DLGAP2: variants seen among roughly 807,000 people sequenced by gnomAD.
DLGAP2 encodes the protein disks large-associated protein 2.
DLGAP2 carries 26 observed loss-of-function variants against 100.3 expected under a neutral mutation model. The observed-to-expected ratio is 0.26, with a 90% CI of 0.19 to 0.36. The LOEUF (loss-of-function observed/expected upper bound fraction) is 0.36. Among genes scored for constraint, DLGAP2 ranks in the 10% least tolerant of loss-of-function variants. The pLI, the probability that DLGAP2 is intolerant of heterozygous loss-of-function variation, is 1.00. For synonymous variants in DLGAP2, 886 were observed against 630.1 expected (o/e 1.41, Z -6.08); for missense variants, 1,858 against 1,453.2 (o/e 1.28, Z -4.53).
chr8:1,571,333 G>C (rs1465742310), intron 6 of DLGAP2, among the ~76,000 whole-genome samples: 2 of 130,780 alleles, frequency 1.5e-5, no homozygotes, highest in African/African-American at 5.9e-5. Flanking sequence ...GGGGAGGAGA[G>C]AGGGTGAACT....
chr8:1,197,419 G>A (rs1797775527), intron 2 of DLGAP2, among the ~76,000 whole-genome samples: 1 of 152,194 alleles, frequency 6.6e-6, no homozygotes, highest in African/African-American at 2.4e-5. Context: ...CAAAGGCCCT[G>A]GATAGAAAAT....
At chr8:1,477,810 A>C in intron 3 of DLGAP2, among the ~76,000 whole-genome samples, 1 of 151,492 alleles carries the variant, frequency 6.6e-6, no homozygotes. Flanking sequence ...AAAAAAAAAA[A>C]GGTGCCTAAT....
intron 1 of DLGAP2, among the ~76,000 whole-genome samples, chr8:900,220 G>A (rs1028451024): frequency 4.6e-5 from 7 of 150,626 alleles, no homozygotes; most frequent in African/African-American, 1.2e-4. Context: ...CCGGGCGGAC[G>A]GTGGGCGCCC....
chr8:820,454 A>G (rs999184022), intron 1 of DLGAP2, among the ~76,000 whole-genome samples: 11 of 152,208 alleles, frequency 7.2e-5, no homozygotes, highest in Non-Finnish European at 1.3e-4. Context: ...ATAGATAAGC[A>G]TCCGGCATAT....
intron 2 of DLGAP2, among the ~76,000 whole-genome samples, chr8:1,086,272 C>T (rs145350903): frequency 6.6e-6 from 1 of 152,062 alleles, no homozygotes; most frequent in Admixed American, 6.6e-5. Context: ...GTCCAATTGC[C>T]CAGCATAGGA....
chr8:1,261,083 C>T (rs1004399759), intron 3 of DLGAP2, among the ~76,000 whole-genome samples: 4 of 152,172 alleles, frequency 2.6e-5, no homozygotes, highest in East Asian at 1.9e-4. Flanking sequence ...ATCTTTAAAA[C>T]GAGACAGACC....
intron 6 of DLGAP2, among the ~76,000 whole-genome samples, chr8:1,584,492 G>T (rs1346351977): frequency 2.6e-5 from 4 of 152,320 alleles, no homozygotes; most frequent in East Asian, 3.9e-4. Flanking sequence ...ACCGTGGGCT[G>T]CTGGCTCTTC....
chr8:1,200,143 C>T (rs567192475), intron 2 of DLGAP2, among the ~76,000 whole-genome samples: 6 of 152,226 alleles, frequency 3.9e-5, no homozygotes, highest in African/African-American at 1.2e-4. Flanking sequence ...CTGCACAGGC[C>T]CACAGGAGAG....
chr8:1,102,666 G>A (rs1260369758), intron 2 of DLGAP2, among the ~76,000 whole-genome samples: 1 of 152,210 alleles, frequency 6.6e-6, no homozygotes, highest in Non-Finnish European at 1.5e-5. Flanking sequence ...CGCCTCTGTG[G>A]CAAGGGAGCC....
At chr8:1,693,288 A>C (rs966274527) in intron 13 of DLGAP2, among the ~76,000 whole-genome samples, 1 of 149,438 alleles carries the variant, frequency 6.7e-6, no homozygotes, top group Non-Finnish European at 1.5e-5. Flanking sequence ...ATTTGCCTAC[A>C]CACATGCATA....
intron 3 of DLGAP2, among the ~76,000 whole-genome samples, chr8:1,449,182 C>G (rs928424021): frequency 6.6e-6 from 1 of 152,180 alleles, no homozygotes; most frequent in Non-Finnish European, 1.5e-5. Context: ...TCACGCTGAC[C>G]ACACAGCACA....
At chr8:1,205,482 C>G (rs1201579315) in intron 2 of DLGAP2, among the ~76,000 whole-genome samples, 1 of 152,162 alleles carries the variant, frequency 6.6e-6, no homozygotes, top group African/African-American at 2.4e-5. Flanking sequence ...GGGAGAGAGT[C>G]CAGGCAATTG....
chr8:1,355,507 GGT>G (rs1294891017), intron 3 of DLGAP2, among the ~76,000 whole-genome samples: 5 of 151,888 alleles, frequency 3.3e-5, no homozygotes, highest in African/African-American at 9.7e-5. Context: ...TGGGATTACA[GGT>G]GTGTGCCACC....
intron 3 of DLGAP2, among the ~76,000 whole-genome samples, chr8:1,276,638 C>T (rs779179132): frequency 6.7e-6 from 1 of 150,332 alleles, no homozygotes; most frequent in African/African-American, 2.4e-5. Context: ...GGTGCTTTGA[C>T]TTCCCAGCAC....
At chr8:903,302 G>A (rs970239838) in intron 1 of DLGAP2, among the ~76,000 whole-genome samples, 1 of 152,070 alleles carries the variant, frequency 6.6e-6, no homozygotes, top group African/African-American at 2.4e-5. Context: ...GCGAGTTGTA[G>A]GCGTCCTGCC....
intron 3 of DLGAP2, among the ~76,000 whole-genome samples, chr8:1,495,684 C>G (rs1352989336): frequency 6.6e-6 from 1 of 151,948 alleles, no homozygotes; most frequent in South Asian, 2.1e-4. Context: ...CTTTGCCTCG[C>G]AGGATGCAGA....
chr8:880,485 G>C (rs556668589), intron 1 of DLGAP2, among the ~76,000 whole-genome samples: 49 of 151,902 alleles, frequency 3.2e-4, no homozygotes, highest in Non-Finnish European at 5.2e-4. Flanking sequence ...CATCCGTGCT[G>C]GGGAGACTTT....
At chr8:1,161,635 T>G (rs1343279499) in intron 2 of DLGAP2, among the ~76,000 whole-genome samples, 2 of 152,118 alleles carry the variant, frequency 1.3e-5, no homozygotes, top group Admixed American at 6.5e-5. Context: ...ATGCACATGG[T>G]GGTGGGGTTT....
chr8:1,098,621 ACCCACGCCAGGCTCCCGGCCGCCCACG>A (rs1804472501), intron 2 of DLGAP2, among the ~76,000 whole-genome samples: 1 of 111,648 alleles, frequency 9.0e-6, no homozygotes, highest in African/African-American at 3.1e-5. Context: ...GGGCGCCGCC[ACCCACGCCAGGCTCCCGGCCGCCCACG>A]GACGCCGCCA....
Sources: gnomAD v4.1 joint callset for allele counts (sites outside exome capture counted in the v4.1 genomes callset) on GRCh38, gnomAD v4.1.1 for gene constraint, MANE v1.5 for transcripts, NCBI Gene and HGNC (gene_info 2026-07-23, HGNC 2026-07-21) for gene names.